PIGQ: variants seen among roughly 807,000 people sequenced by gnomAD.
PIGQ encodes phosphatidylinositol N-acetylglucosaminyltransferase subunit Q.
Under a neutral mutation model 60.3 loss-of-function variants are expected in PIGQ, and 54 were observed. The ratio of observed to expected loss-of-function variants is 0.90; its 90% CI spans 0.72 to 1.12. The LOEUF (loss-of-function observed/expected upper bound fraction) is 1.12, where lower values mean the gene tolerates loss of function less well. Among genes scored for constraint, PIGQ ranks in the 50% most tolerant of loss-of-function variants. PIGQ has a pLI of 0.00. For synonymous variants in PIGQ, 416 were observed against 363.7 expected, an observed-to-expected ratio of 1.14 and a Z score of -1.64; for missense variants, 799 against 793.5, an observed-to-expected ratio of 1.01 and a Z score of -0.08.
chr16:582,671 C>T (rs905771863), intron 10 of PIGQ: 47 of 630,724 alleles, frequency 7.5e-5, no homozygotes, highest in African/African-American at 7.3e-5. Context: ...TGGGCAGCCC[C>T]GAGGGGAGAT....
chr16:574,619 A>T lies in PIGQ; in HGVS notation c.545A>T (p.Asp182Val). The change falls in exon 2 of 11, where the codon GAT becomes GTT. Residue 182 changes from aspartate to valine, a missense_variant. Asp to Val is a radical substitution (Grantham distance 152). Transcript: ENST00000321878. ...SEVLFRSDRF[D>V]EGPVRLSHWQ... The stretch of plus-strand genomic sequence containing the variant: ...GTGCTCTTCCGCAGTGACCGCTTTG[A>T]TGAGGGCCCCGTGCGGCTGAGCCAC... 1 of 1,606,956 alleles carries T rather than the reference A, an allele frequency of 6.2e-7. No homozygotes were observed. The highest frequency in any genetic ancestry group is 1.1e-5 in the South Asian group (1 of 89,918).
Position 574,293 on chromosome 16 carries a change from C to T in PIGQ, c.219C>T (p.Pro73=), listed in dbSNP as rs376034140. 3.5e-5 allele frequency: 56 copies of T among 1,606,210 alleles called. No individual in the cohort carries two copies. The highest frequency in any genetic ancestry group is 2.0e-4 in the East Asian group (9 of 44,744). ...CCTGGTGCCACTGCCGGCAGGAGCC[C>T]GAGGAGAGCCTGGGCCGCTTCCTGG... ...LGTWCHCRQE[P]EESLGRFLES... is the part of the protein sequence containing the mutation. The change falls in exon 2 of 11, where the codon CCC becomes CCT. Residue 73 remains proline (P), a synonymous_variant. Transcript: ENST00000321878.
chr16:578,538 C>T, intron 5 of PIGQ, 33 bp downstream of exon 5: 1 of 1,601,782 alleles, frequency 6.2e-7, no homozygotes, highest in Non-Finnish European at 8.5e-7. Flanking sequence ...CCCCAGGGAC[C>T]CCAGAGCTTG....
intron 5 of PIGQ, 137 bp from the exon 6 acceptor site, chr16:578,648 C>A (rs2035759941): frequency 7.2e-7 from 1 of 1,395,458 alleles, no homozygotes; most frequent in African/African-American, 1.4e-5. Context: ...CAGCTGAGGG[C>A]TGGGGCCTGG....
intron 1 of PIGQ, 126 bp downstream of exon 1, chr16:570,222 C>A (rs1053996260): frequency 6.6e-6 from 1 of 151,962 alleles, no homozygotes; most frequent in Non-Finnish European, 1.5e-5. Context: ...GAAGTGGGGC[C>A]GCCCCCGGGC....
chr16:583,970 C>T lies in PIGQ; in HGVS notation c.*935C>T. ...CAGGAGGGGAGCCTGCAGGTGCCGGCTGGTGAGGGGATGACGCGCTGTGGG... is the reference window on the plus strand; with the variant it reads ...CAGGAGGGGAGCCTGCAGGTGCCGGTTGGTGAGGGGATGACGCGCTGTGGG... On this transcript the variant is annotated 3_prime_UTR_variant, in exon 11 of 11. Transcript: ENST00000321878. 1 of 411,776 alleles carries T rather than the reference C, an allele frequency of 2.4e-6. No individual in the cohort carries two copies. The highest frequency in any genetic ancestry group is 4.6e-6 in the Non-Finnish European group (1 of 216,050). 25.5% of individuals were successfully genotyped at this position (411,776 alleles called of 1,614,324 possible).
rs2035594842 is a variant in PIGQ at position 569,999 on chromosome 16, G to T, written c.-107G>T. 1 of 149,300 alleles carries T rather than the reference G, an allele frequency of 6.7e-6. No individual in the cohort carries two copies. The highest frequency in any genetic ancestry group is 6.7e-5 in the Admixed American group (1 of 15,022). The allele number at this position is 149,300 out of a possible 1,614,324, so 9.2% of individuals were successfully genotyped here. On this transcript the variant is annotated 5_prime_UTR_variant, in exon 1 of 11. Coordinates refer to ENST00000321878, the MANE Select transcript of PIGQ (RefSeq NM_004204.5). Reference sequence around the variant, plus strand: ...GGGGCTCGGGTCCCGCGGCGGGGCTGGAGGCAGCGAGCGCCGTCGTCTGCC... The same window carrying T: ...GGGGCTCGGGTCCCGCGGCGGGGCTTGAGGCAGCGAGCGCCGTCGTCTGCC...
intron 6 of PIGQ, 41 bp downstream of exon 6, chr16:578,979 T>C (rs755247882): frequency 7.8e-7 from 1 of 1,286,206 alleles, no homozygotes; most frequent in Non-Finnish European, 1.0e-6. Context: ...CCCTGGGAGG[T>C]GCAGAGGCTC....
chr16:581,436 A>T, intron 9 of PIGQ: 2 of 893,214 alleles, frequency 2.2e-6, no homozygotes, highest in South Asian at 3.6e-5. Context: ...CTTGCCGGAC[A>T]CCTGGCTTCT....
intron 9 of PIGQ, chr16:581,931 T>G (rs1265916242): frequency 2.6e-6 from 1 of 380,940 alleles, no homozygotes; most frequent in Non-Finnish European, 5.0e-6. Context: ...ACCCGGCTAA[T>G]TTTTGTATTT....
At chr16:573,751 A>G (rs1178496090) in intron 1 of PIGQ, among the ~76,000 whole-genome samples, 2 of 151,884 alleles carry the variant, frequency 1.3e-5, no homozygotes, top group Non-Finnish European at 2.9e-5. Flanking sequence ...GGTGCCGAGG[A>G]GGCCGTGCCC....
intron 1 of PIGQ, among the ~76,000 whole-genome samples, chr16:573,160 G>A (rs2035662751): frequency 6.6e-6 from 1 of 152,224 alleles, no homozygotes; most frequent in African/African-American, 2.4e-5. Flanking sequence ...TGGGAACCGC[G>A]GTAGCTCAGG....
In PIGQ at chr16:583,398, G is replaced by A; in HGVS notation, c.*363G>A. 1.2e-6 allele frequency: 2 copies of A among 1,612,792 alleles called. No homozygotes were observed. Among genetic ancestry groups the A allele is most frequent in the Middle Eastern group, 1.6e-4 (1 of 6,062 alleles). ...CCGTCCACCACAGCAGCCCCAGGTGGAGGGCTGGTCTCCCTGGGGGCTCCC... is the reference window on the plus strand; with the variant it reads ...CCGTCCACCACAGCAGCCCCAGGTGAAGGGCTGGTCTCCCTGGGGGCTCCC... On this transcript the variant is annotated 3_prime_UTR_variant, in exon 11 of 11. Transcript: ENST00000321878.
At chr16:579,232 C>A (rs777415261) in intron 7 of PIGQ, 52 bp downstream of exon 7, 1 of 1,473,620 alleles carries the variant, frequency 6.8e-7, no homozygotes, top group Non-Finnish European at 9.5e-7. Context: ...GGCCTGTGCC[C>A]GCTGGGCCAG....
At chr16:580,319 C>A in intron 8 of PIGQ, 56 bp downstream of exon 8, 1 of 1,375,678 alleles carries the variant, frequency 7.3e-7, no homozygotes, top group African/African-American at 1.4e-5. Flanking sequence ...TGGCTTCTGC[C>A]AGCGCTGCCT....
intron 8 of PIGQ, 112 bp downstream of exon 8, chr16:580,375 G>A (rs541828954): frequency 2.3e-5 from 18 of 783,652 alleles, no homozygotes; most frequent in African/African-American, 3.5e-5. Flanking sequence ...TGCAGGCCAC[G>A]TGGGTGGCCT....
chr16:579,444 CCCAGAGA>C (rs2035777579), intron 7 of PIGQ: 2 of 363,444 alleles, frequency 5.5e-6, no homozygotes, highest in South Asian at 3.4e-5. Context: ...GTGCCCCGGG[CCCAGAGA>C]CTAGAGATGC....
Position 574,605 on chromosome 16 carries a change from CA to C in PIGQ, c.532del (p.Ser178ValfsTer11), listed in dbSNP as rs1273413518. 2 of 1,605,710 alleles carry C rather than the reference CA, an allele frequency of 1.2e-6. No individual in the cohort carries two copies. The highest frequency in any genetic ancestry group is 2.7e-5 in the African/African-American group (2 of 74,826). Reference protein sequence around the residue: ...TVARSEVLFRSDRFDEGPVRL... With the variant: ...TVARSEVLFRXDRFDEGPVRL... ...TAGCACGCAGTGAGGTGCTCTTCCG[CA>C]GTGACCGCTTTGATGAGGGCCCCGT... On this transcript the variant is annotated frameshift_variant, in exon 2 of 11. Coordinates refer to ENST00000321878, the MANE Select transcript of PIGQ (RefSeq NM_004204.5). LOFTEE classifies it high-confidence loss of function.
chr16:575,880 T>G lies in PIGQ; in HGVS notation c.731T>G (p.Leu244Arg). 7 of 1,573,538 alleles carry G rather than the reference T, an allele frequency of 4.4e-6. No individual in the cohort carries two copies. Among genetic ancestry groups the G allele is most frequent in the Non-Finnish European group, 6.0e-6 (7 of 1,158,572 alleles). ...CCCCTGTCCTTCCTCGGGAGCAAAC[T>G]CTCCACGTGCGAACAGCTCCGGCAC... The part of the protein sequence containing the change: ...LWPLSFLGSK[L>R]STCEQLRHRL... Residue 244 changes from leucine (L) to arginine (R), a missense_variant, in exon 3 of 11, where the codon CTC (leucine) becomes CGC (arginine). By Grantham distance (102) the Leu-to-Arg change is moderately radical. Coordinates refer to ENST00000321878, the MANE Select transcript of PIGQ (RefSeq NM_004204.5).
Sources: gnomAD v4.1 joint callset for allele counts (sites outside exome capture counted in the v4.1 genomes callset) on GRCh38, gnomAD v4.1.1 for gene constraint, MANE v1.5 for transcripts, NCBI Gene and HGNC (gene_info 2026-07-23, HGNC 2026-07-21) for gene names.